RAB8B: variants seen among roughly 807,000 people sequenced by gnomAD.
RAB8B encodes the protein RAB8B, member RAS oncogene family.
A neutral mutation model predicts 32.0 loss-of-function variants in RAB8B; 11 were observed. The observed-to-expected ratio is 0.34, with a 90% CI of 0.22 to 0.57. The LOEUF is 0.57. Among genes scored for constraint, RAB8B ranks in the 20% least tolerant of loss-of-function variants. The pLI, the probability that RAB8B is intolerant of heterozygous loss-of-function variation, is 0.86. For missense variants in RAB8B, 190 were observed against 258.5 expected (o/e 0.73, Z 1.82); for synonymous variants, 103 against 89.6 (o/e 1.15, Z -0.85).
chr15:63,236,692 T>G (rs1350054346), intron 1 of RAB8B, among the ~76,000 whole-genome samples: 1 of 152,170 alleles, frequency 6.6e-6, no homozygotes, highest in Non-Finnish European at 1.5e-5. Context: ...ATGCAATGAG[T>G]AATAATAATC....
chr15:63,248,798 A>G lies in RAB8B; in HGVS notation c.186-847A>G, dbSNP rs1349626146. On this transcript the variant is annotated intron_variant, in intron 2 of 7. Coordinates refer to ENST00000321437, the MANE Select transcript of RAB8B (RefSeq NM_016530.3). The surrounding 1 kb of genome is among the most constrained non-coding windows in gnomAD (Gnocchi z 4.4). The stretch of plus-strand genomic sequence containing the variant: ...AGGATTTGGTATATACTAGATTTCT[A>G]GTATATTTCCACAAATGCCTCTTTC... 1.3e-5 allele frequency among the ~76,000 whole-genome samples: 2 copies of G among 152,168 alleles called. No individual in the cohort carries two copies. Among genetic ancestry groups the G allele is most frequent in the African/African-American group, 4.8e-5 (2 of 41,434 alleles).
rs995434078 is a variant in RAB8B, at chr15:63,267,495, C to G, written c.*3876C>G. ...TTCCTTTCATGCAAAATACCATAAA[C>G]TGTTTGATGAAAATCATGCCCCTAA... On this transcript the variant is annotated 3_prime_UTR_variant, in exon 8 of 8. Transcript: ENST00000321437. The G allele has an allele frequency of 6.6e-6, 1 of 152,186 alleles. No homozygotes were observed. Among genetic ancestry groups the G allele is most frequent in the Non-Finnish European group, 1.5e-5 (1 of 68,020 alleles). The allele number at this position is 152,186 out of a possible 1,614,324, so 9.4% of individuals were successfully genotyped here.
chr15:63,211,730 A>G (rs1470534157), intron 1 of RAB8B, among the ~76,000 whole-genome samples: 1 of 152,210 alleles, frequency 6.6e-6, no homozygotes, highest in African/African-American at 2.4e-5. Context: ...GTCAATTGCA[A>G]CTAGTGACTG....
At chr15:63,257,687 G>C (rs1413896144) in intron 5 of RAB8B, among the ~76,000 whole-genome samples, 1 of 152,056 alleles carries the variant, frequency 6.6e-6, no homozygotes, top group Non-Finnish European at 1.5e-5. Context: ...ATAAGAGTTC[G>C]CAATTTGTCT....
In RAB8B at chr15:63,259,788, A is replaced by G. The variant is rs1595751921; in HGVS notation, c.480+96A>G. The G allele has an allele frequency of 1.8e-6, 2 of 1,096,058 alleles. No individual in the cohort carries two copies. The highest frequency in any genetic ancestry group is 3.2e-5 in the African/African-American group (2 of 62,420). 67.9% of individuals were successfully genotyped at this position (1,096,058 alleles called of 1,614,324 possible). A position where few individuals can be genotyped will look rare whatever the true frequency, so the allele number is the denominator to read the frequency against. The stretch of plus-strand genomic sequence containing the variant: ...TCAGAGCTTTGGTATTTTCTGACCT[A>G]ATGAATGCCTTTTGTTGACCCAACT... On this transcript the variant is annotated intron_variant, in intron 6 of 7. Coordinates refer to ENST00000321437, the MANE Select transcript of RAB8B (RefSeq NM_016530.3). The surrounding 1 kb of genome is among the most constrained non-coding windows in gnomAD (Gnocchi z 4.4).
intron 1 of RAB8B, among the ~76,000 whole-genome samples, chr15:63,201,185 T>G (rs2037645952): frequency 6.6e-6 from 1 of 152,214 alleles, no homozygotes; most frequent in African/African-American, 2.4e-5. Flanking sequence ...TGCAAAATTT[T>G]GAAACGGGAA....
At chr15:63,245,753 A>T (rs1382458332) in intron 2 of RAB8B, among the ~76,000 whole-genome samples, 1 of 152,254 alleles carries the variant, frequency 6.6e-6, no homozygotes, top group South Asian at 2.1e-4. Flanking sequence ...GGATTTTGGA[A>T]TATGTGCATA....
rs527667472 is a variant in RAB8B at position 63,256,010 on chromosome 15, T to A, written c.324+426T>A. 2.0e-5 allele frequency among the ~76,000 whole-genome samples: 3 copies of A among 152,338 alleles called. No individual in the cohort carries two copies. In the East Asian group the frequency reaches 5.8e-4, roughly 29 times the overall value. ...AACTTTTTGCCCTTCTGACATTTTC[T>A]CCATCTTAGATATTTGAAGATTGTT... On this transcript the variant is annotated intron_variant, in intron 4 of 7. Coordinates refer to ENST00000321437, the MANE Select transcript of RAB8B (RefSeq NM_016530.3).
In RAB8B at chr15:63,222,837, G is replaced by A. The variant is rs140170308; in HGVS notation, c.125-21919G>A. Among the ~76,000 whole-genome samples the A allele has an allele frequency of 2.7e-3, 408 of 152,212 alleles. 3 individuals carry two copies. The highest frequency in any genetic ancestry group is 8.0e-3 in the African/African-American group (334 of 41,528). ...ATTACAGGTGTGAGCCACCATGCCCGGCCCACATAAGATTATAATGGAGCT... is the reference window on the plus strand; with the variant it reads ...ATTACAGGTGTGAGCCACCATGCCCAGCCCACATAAGATTATAATGGAGCT... On this transcript the variant is annotated intron_variant, in intron 1 of 7. Coordinates refer to ENST00000321437, the MANE Select transcript of RAB8B (RefSeq NM_016530.3).
At chr15:63,229,019 G>A (rs556016535) in intron 1 of RAB8B, among the ~76,000 whole-genome samples, 1 of 152,284 alleles carries the variant, frequency 6.6e-6, no homozygotes, top group East Asian at 1.9e-4. Context: ...CTACATGGTT[G>A]CAGACAGTGC....
At chr15:63,223,561 CAGGCTATACTACGTAGACT>C in intron 1 of RAB8B, among the ~76,000 whole-genome samples, 1 of 152,314 alleles carries the variant, frequency 6.6e-6, no homozygotes, top group African/African-American at 2.4e-5. Flanking sequence ...GAGCAATAAA[CAGGCTATACTACGTAGACT>C]AGGTGTGTAG....
intron 1 of RAB8B, among the ~76,000 whole-genome samples, chr15:63,238,559 A>T (rs2038003973): frequency 6.6e-6 from 1 of 152,218 alleles, no homozygotes; most frequent in Admixed American, 6.5e-5. Context: ...ATAGTAGTGC[A>T]GCTCTTTCAT....
At chr15:63,222,836 C>T (rs372350712) in intron 1 of RAB8B, among the ~76,000 whole-genome samples, 3 of 152,312 alleles carry the variant, frequency 2.0e-5, no homozygotes, top group East Asian at 1.9e-4. Context: ...CCACCATGCC[C>T]GGCCCACATA....
intron 1 of RAB8B, among the ~76,000 whole-genome samples, chr15:63,237,965 TC>T (rs2037996888): frequency 6.6e-6 from 1 of 152,142 alleles, no homozygotes; most frequent in African/African-American, 2.4e-5. Flanking sequence ...TACCCAGTTT[TC>T]CCAGCACCAT....
intron 6 of RAB8B, among the ~76,000 whole-genome samples, chr15:63,261,607 A>G (rs1428885197): frequency 6.6e-6 from 1 of 152,256 alleles, no homozygotes; most frequent in African/African-American, 2.4e-5. Flanking sequence ...CTAGCAAGGC[A>G]TACAGATGGT....
intron 4 of RAB8B, 30 bp downstream of exon 4, chr15:63,255,614 G>A: frequency 6.5e-7 from 1 of 1,528,920 alleles, no homozygotes; most frequent in Non-Finnish European, 9.1e-7. Context: ...GGTGACATTG[G>A]AGAAGAGTCC....
intron 3 of RAB8B, among the ~76,000 whole-genome samples, chr15:63,254,098 T>C (rs2038140704): frequency 6.6e-6 from 1 of 152,194 alleles, no homozygotes; most frequent in Non-Finnish European, 1.5e-5. Context: ...TGACTTTCTT[T>C]CACTCAATCC....
intron 1 of RAB8B, among the ~76,000 whole-genome samples, chr15:63,227,342 C>T (rs2037897415): frequency 6.6e-6 from 1 of 152,200 alleles, no homozygotes; most frequent in Admixed American, 6.5e-5. Flanking sequence ...ATACAGAAAT[C>T]CTGCCCCAGG....
At chr15:63,237,044 C>A (rs1181360572) in intron 1 of RAB8B, among the ~76,000 whole-genome samples, 1 of 152,186 alleles carries the variant, frequency 6.6e-6, no homozygotes, top group Non-Finnish European at 1.5e-5. Flanking sequence ...ATAATGACCT[C>A]CAGTTCCATC....
Sources: allele counts gnomAD v4.1 joint callset (sites outside exome capture counted in the v4.1 genomes callset), GRCh38; gene constraint gnomAD v4.1.1; non-coding constraint Gnocchi (gnomAD v3.1); transcripts MANE v1.5; gene names NCBI Gene and HGNC (gene_info 2026-07-23, HGNC 2026-07-21).